The following CDKL3 variants were observed in gnomAD, a reference collection of about 807,000 sequenced individuals.
The protein encoded by CDKL3 is cyclin-dependent kinase-like 3.
In CDKL3, 65 loss-of-function variants were observed where a neutral mutation model predicts 69.3. The observed-to-expected ratio is 0.94, with a 90% CI of 0.77 to 1.15. The LOEUF (loss-of-function observed/expected upper bound fraction) is 1.15, where lower values mean the gene tolerates loss of function less well. Among genes scored for constraint, CDKL3 ranks in the 50% most tolerant of loss-of-function variants. The pLI is 0.00. For synonymous variants in CDKL3, 202 were observed against 221.6 expected, an observed-to-expected ratio of 0.91 and a Z score of 0.79; for missense variants, 652 against 689.2, an observed-to-expected ratio of 0.95 and a Z score of 0.61.
chr5:134,367,291 G>A, upstream of CDKL3: 2 of 985,388 alleles, frequency 2.0e-6, no homozygotes, highest in Non-Finnish European at 2.4e-6. Flanking sequence ...GGGAATGGGG[G>A]AGGGGAGTAC....
intron 7 of CDKL3, among the ~76,000 whole-genome samples, chr5:134,311,980 A>G (rs1769655370): frequency 6.6e-6 from 1 of 151,948 alleles, no homozygotes; most frequent in Non-Finnish European, 1.5e-5. Flanking sequence ...TTTTTTGTAG[A>G]GACAGGGGTC....
Position 134,306,677 on chromosome 5 carries a change from G to A in CDKL3, c.1390C>T (p.Arg464Cys), listed in dbSNP as rs550312225. Residue 464 changes from arginine (R) to cysteine (C), a missense_variant, in exon 10 of 13, where the codon CGC (arginine) becomes TGC (cysteine). By Grantham distance (180) the Arg-to-Cys change is radical (BLOSUM62 -3). Transcript: ENST00000265334. The stretch of plus-strand genomic sequence containing the variant: ...TGTCCAATAGATTGTGAAGAAGTGC[G>A]TCTCTTTTTTGCTCTTTCAGTTAAC... Reference protein sequence around the residue: ...VRLTERAKKRRTSSQSIGQVM... With the variant: ...VRLTERAKKRCTSSQSIGQVM... 1.5e-4 allele frequency: 229 copies of A among 1,563,788 alleles called. 1 individual carries two copies. The highest frequency in any genetic ancestry group is 6.0e-4 in the Admixed American group (29 of 47,944).
chr5:134,294,559 T>G (rs966047371), downstream of CDKL3, among the ~76,000 whole-genome samples: 1 of 152,032 alleles, frequency 6.6e-6, no homozygotes, highest in Non-Finnish European at 1.5e-5. Context: ...GAAGCGAAAC[T>G]ATTATTATCT....
Position 134,350,281 on chromosome 5 carries a change from G to T in CDKL3, c.507C>A (p.Pro169=), listed in dbSNP as rs759222409. The T allele has an allele frequency of 6.3e-7, 1 of 1,587,010 alleles. No homozygotes were observed. Among genetic ancestry groups the T allele is most frequent in the Non-Finnish European group, 8.6e-7 (1 of 1,166,930 alleles). ...DYVATRWYRA[P]ELVLKDTSYG... ...AAGAAGTATCTTTTAATACTAATTC[G>T]GGAGCTCTATACCAGCGTGTGGCCA... The change falls in exon 4 of 13, where the codon CCC becomes CCA. Residue 169 remains proline, a synonymous_variant. Coordinates refer to ENST00000265334, the MANE Select transcript of CDKL3 (RefSeq NM_001113575.2).
At chr5:134,346,625 T>C (rs139592442) in intron 4 of CDKL3, among the ~76,000 whole-genome samples, 257 of 152,148 alleles carry the variant, frequency 1.7e-3, no homozygotes, top group African/African-American at 5.9e-3. Context: ...GTCTCTCGAG[T>C]AGCTGGGATT....
At chr5:134,326,819 A>ATATATATATATGTGTGTG (rs1561562737) in intron 4 of CDKL3, among the ~76,000 whole-genome samples, 61 of 106,126 alleles carry the variant, frequency 5.7e-4, no homozygotes, top group South Asian at 1.7e-3. Context: ...ATGTGTGTGT[A>ATATATATATATGTGTGTG]TATATATATA....
chr5:134,332,490 C>G (rs920757965), intron 4 of CDKL3, among the ~76,000 whole-genome samples: 3 of 152,120 alleles, frequency 2.0e-5, no homozygotes, highest in South Asian at 2.1e-4. Context: ...AGGAAGGGAT[C>G]CAGTTTCAGC....
At chr5:134,299,342 C>A in intron 12 of CDKL3, 1 of 282,864 alleles carries the variant, frequency 3.5e-6, no homozygotes, top group Non-Finnish European at 5.7e-6. Context: ...GAAACTTTTC[C>A]TTCTGTAATT....
At chr5:134,332,120 C>T (rs1775947720) in intron 4 of CDKL3, among the ~76,000 whole-genome samples, 2 of 152,304 alleles carry the variant, frequency 1.3e-5, no homozygotes, top group East Asian at 3.9e-4. Flanking sequence ...TGTTCATATC[C>T]TTTGCCCACT....
At chr5:134,370,434 T>G (rs1008369983), upstream of CDKL3, among the ~76,000 whole-genome samples, 1 of 152,200 alleles carries the variant, frequency 6.6e-6, no homozygotes, top group Non-Finnish European at 1.5e-5. Flanking sequence ...TATATAACCC[T>G]CACTCATGTC....
intron 3 of CDKL3, among the ~76,000 whole-genome samples, chr5:134,356,263 C>T (rs1317661322): frequency 6.6e-6 from 1 of 152,152 alleles, no homozygotes; most frequent in African/African-American, 2.4e-5. Context: ...AATTTAATGC[C>T]TCTGCTGATC....
chr5:134,326,557 AAAAC>A (rs1218478013), intron 4 of CDKL3, among the ~76,000 whole-genome samples: 1 of 152,092 alleles, frequency 6.6e-6, no homozygotes, highest in Non-Finnish European at 1.5e-5. Flanking sequence ...AGGATTAAAA[AAAAC>A]AAACAGAGGT....
intron 3 of CDKL3, among the ~76,000 whole-genome samples, chr5:134,357,116 T>C (rs1754799305): frequency 6.6e-6 from 1 of 152,178 alleles, no homozygotes; most frequent in Admixed American, 6.6e-5. Context: ...CAATATTATT[T>C]AGTATGGGTC....
downstream of CDKL3, among the ~76,000 whole-genome samples, chr5:134,293,460 T>TAGACA (rs1420061147): frequency 6.6e-6 from 1 of 152,042 alleles, no homozygotes; most frequent in Non-Finnish European, 1.5e-5. Flanking sequence ...ATAATAAAAC[T>TAGACA]AGACAAGGAC....
At chr5:134,306,077 AT>A (rs1767747870) in intron 10 of CDKL3, among the ~76,000 whole-genome samples, 1 of 152,228 alleles carries the variant, frequency 6.6e-6, no homozygotes, top group African/African-American at 2.4e-5. Context: ...ATAAATTAAG[AT>A]ATATGAACTT....
intron 4 of CDKL3, among the ~76,000 whole-genome samples, chr5:134,346,909 T>C (rs1370916298): frequency 6.6e-6 from 1 of 152,220 alleles, no homozygotes; most frequent in Non-Finnish European, 1.5e-5. Context: ...TAGTTGCTTT[T>C]GGAGGTCACC....
intron 12 of CDKL3, among the ~76,000 whole-genome samples, chr5:134,299,124 G>A (rs1291445579): frequency 2.0e-5 from 3 of 151,978 alleles, no homozygotes; most frequent in Admixed American, 6.6e-5. Context: ...CACCTGCCTC[G>A]GCCACCCAAA....
chr5:134,287,426 G>T (rs1435158739), intron 8 of CDKL3, among the ~76,000 whole-genome samples: 2 of 152,108 alleles, frequency 1.3e-5, no homozygotes, highest in East Asian at 3.9e-4. Context: ...CAAAGGAAAG[G>T]TAATGAGTGC....
intron 4 of CDKL3, among the ~76,000 whole-genome samples, chr5:134,342,398 A>G (rs1750716532): frequency 6.6e-6 from 1 of 152,108 alleles, no homozygotes; most frequent in African/African-American, 2.4e-5. Flanking sequence ...GAAGATCGAG[A>G]CCATCCTGGC....
Sources: gnomAD v4.1 joint callset for allele counts (sites outside exome capture counted in the v4.1 genomes callset) on GRCh38, gnomAD v4.1.1 for gene constraint, MANE v1.5 for transcripts, NCBI Gene and HGNC (gene_info 2026-07-23, HGNC 2026-07-21) for gene names.